ASCC3: variants seen among roughly 807,000 people sequenced by gnomAD.
The protein encoded by ASCC3 is activating signal cointegrator 1 complex subunit 3, also known as ASC-1 complex subunit P200.
ASCC3 carries 158 observed loss-of-function variants against 256.3 expected under a neutral mutation model. The ratio of observed to expected loss-of-function variants is 0.62; its 90% CI spans 0.54 to 0.70. The LOEUF is 0.70. Ranked by LOEUF, ASCC3 falls within the 30% of genes least tolerant of loss-of-function variation. The pLI is 0.00. For missense variants in ASCC3, 2,259 were observed against 2,626.0 expected (o/e 0.86, Z 3.05); for synonymous variants, 948 against 883.4 (o/e 1.07, Z -1.30).
At chr6:100,650,188 T>C (rs1775591631) in intron 20 of ASCC3, among the ~76,000 whole-genome samples, 1 of 151,762 alleles carries the variant, frequency 6.6e-6, no homozygotes, top group Non-Finnish European at 1.5e-5. Flanking sequence ...ATGCTTGCAA[T>C]ATTCTTTAAC....
At chr6:100,570,044 T>C (rs943486635) in intron 36 of ASCC3, among the ~76,000 whole-genome samples, 3 of 152,194 alleles carry the variant, frequency 2.0e-5, no homozygotes, top group African/African-American at 7.2e-5. Context: ...GTTGTGGCTA[T>C]TGTAAATAGG....
intron 8 of ASCC3, among the ~76,000 whole-genome samples, chr6:100,778,248 T>C (rs1266127005): frequency 1.3e-5 from 2 of 152,072 alleles, no homozygotes; most frequent in African/African-American, 4.8e-5. Context: ...TAAGTAGAGA[T>C]TTCAAACAGG....
At position 100,720,624 on chromosome 6, in the gene ASCC3, G is replaced by C. The variant is rs185376775; in HGVS notation, c.1903-2373C>G. 2.6e-5 allele frequency among the ~76,000 whole-genome samples: 4 copies of C among 151,802 alleles called. 1 individual carries two copies. The highest frequency in any genetic ancestry group is 9.6e-5 in the African/African-American group (4 of 41,506). On this transcript the variant is annotated intron_variant, in intron 11 of 41. Coordinates refer to ENST00000369162, the MANE Select transcript of ASCC3 (RefSeq NM_006828.4). ...ACCTCTGGTAGCTGATGAAGATGTA[G>C]AAGTTAAAATTAGACAGACAGCGCT...
chr6:100,662,509 G>A lies in ASCC3; in HGVS notation c.2314C>T (p.Arg772Ter), dbSNP rs761797390. 13 of 1,612,860 alleles carry A rather than the reference G, an allele frequency of 8.1e-6. No homozygotes were observed. The highest frequency in any genetic ancestry group is 1.3e-5 in the African/African-American group (1 of 74,818). Residue 772 changes from arginine (R) to a stop codon, truncating the protein, a stop_gained, in exon 15 of 42, where the codon CGA becomes TGA. Coordinates refer to ENST00000369162, the MANE Select transcript of ASCC3 (RefSeq NM_006828.4). LOFTEE classifies it high-confidence loss of function. ...CTAAAACCATCTGGGAATAATTCTC[G>A]TACTTGCTTATTTCTCGACCTTTGT... ...QVQRSRNKQV[R>*]ELFPDGFSIH...
At chr6:100,518,323 T>TCC (rs1202864431) in intron 37 of ASCC3, among the ~76,000 whole-genome samples, 181 bp from the exon 38 acceptor site, 2 of 152,150 alleles carry the variant, frequency 1.3e-5, no homozygotes, top group Non-Finnish European at 2.9e-5. Context: ...ACAAATCTGA[T>TCC]CATAGCATTT....
At position 100,728,179 on chromosome 6, in the gene ASCC3, A is replaced by G. The variant is rs140011198; in HGVS notation, c.1738-2476T>C. Among the ~76,000 whole-genome samples the G allele has an allele frequency of 3.9e-4, 59 of 152,196 alleles. 2 individuals are homozygous for G. The highest frequency in any genetic ancestry group is 1.4e-3 in the African/African-American group (57 of 41,544). On this transcript the variant is annotated intron_variant, in intron 10 of 41. Coordinates refer to ENST00000369162, the MANE Select transcript of ASCC3 (RefSeq NM_006828.4). ...ATGCAGTTAACACATGAGCCAAACAATTAATTGAAAATAATGAATATATAT... is the reference window on the plus strand; with the variant it reads ...ATGCAGTTAACACATGAGCCAAACAGTTAATTGAAAATAATGAATATATAT...
chr6:100,597,869 G>A (rs951203040), intron 34 of ASCC3, among the ~76,000 whole-genome samples: 3 of 149,042 alleles, frequency 2.0e-5, no homozygotes, highest in African/African-American at 4.9e-5. Context: ...AGCTACTCGG[G>A]AGGCTGAGGC....
At chr6:100,753,434 A>G (rs1400797659) in intron 10 of ASCC3, among the ~76,000 whole-genome samples, 1 of 151,884 alleles carries the variant, frequency 6.6e-6, no homozygotes, top group Non-Finnish European at 1.5e-5. Flanking sequence ...CATGATAAGG[A>G]GGAAGGTTGT....
chr6:100,780,241 A>G (rs1346961653), intron 8 of ASCC3, among the ~76,000 whole-genome samples: 1 of 152,182 alleles, frequency 6.6e-6, no homozygotes, highest in Non-Finnish European at 1.5e-5. Context: ...TTTAATTGCT[A>G]AACACCCAGA....
In ASCC3 at chr6:100,597,809, G is replaced by GAAAAA. The variant is rs369974362; in HGVS notation, c.5303+3996_5303+4000dup. Among the ~76,000 whole-genome samples the GAAAAA allele has an allele frequency of 1.0e-4, 9 of 88,600 alleles. 1 individual carries two copies. Among genetic ancestry groups the GAAAAA allele is most frequent in the East Asian group, 7.8e-4 (2 of 2,578 alleles). 58.1% of individuals were successfully genotyped at this position (88,600 alleles called of 152,430 possible). Reference sequence around the variant, plus strand: ...TACACAGTGAAACCCCGTCTCTACTGAAAAAAAAAAAAAAATTAGCCGAGC... The same window carrying GAAAAA: ...TACACAGTGAAACCCCGTCTCTACTGAAAAAAAAAAAAAAAAAAAATTAGCCGAGC... On this transcript the variant is annotated intron_variant, in intron 34 of 41. Coordinates refer to ENST00000369162, the MANE Select transcript of ASCC3 (RefSeq NM_006828.4).
chr6:100,674,874 TG>T (rs1014560228), intron 14 of ASCC3, among the ~76,000 whole-genome samples: 3 of 151,910 alleles, frequency 2.0e-5, no homozygotes, highest in African/African-American at 7.2e-5. Context: ...TCAGGTGACC[TG>T]CCTGCCTCGG....
chr6:100,760,801 T>C (rs2115116041), intron 10 of ASCC3, among the ~76,000 whole-genome samples: 2 of 152,052 alleles, frequency 1.3e-5, no homozygotes, highest in Middle Eastern at 3.4e-3. Context: ...CGAGAACAGA[T>C]TGGAAAATAA....
intron 13 of ASCC3, among the ~76,000 whole-genome samples, chr6:100,702,513 G>A (rs539656996): frequency 3.3e-5 from 5 of 152,188 alleles, no homozygotes; most frequent in Admixed American, 3.3e-4. Flanking sequence ...AAGAGGTCTG[G>A]GTTTGGAGTA....
At chr6:100,813,921 T>G (rs1582902522) in intron 4 of ASCC3, among the ~76,000 whole-genome samples, 2 of 152,198 alleles carry the variant, frequency 1.3e-5, no homozygotes, top group Admixed American at 1.3e-4. Context: ...CTCTTCCTAT[T>G]TTGATGCCTG....
chr6:100,818,748 C>CA (rs56668191), intron 4 of ASCC3, among the ~76,000 whole-genome samples: 2,588 of 58,082 alleles, frequency 0.045, 1 homozygote, highest in East Asian at 0.053. Flanking sequence ...AGGCAAAAGC[C>CA]AAAAAAAAAA....
At chr6:100,577,189 A>C (rs953935292) in intron 36 of ASCC3, among the ~76,000 whole-genome samples, 4 of 151,998 alleles carry the variant, frequency 2.6e-5, no homozygotes, top group Admixed American at 2.0e-4. Context: ...GCACAATTCC[A>C]TTTTCTATTT....
At chr6:100,687,450 C>T (rs930587645) in intron 13 of ASCC3, among the ~76,000 whole-genome samples, 1 of 152,110 alleles carries the variant, frequency 6.6e-6, no homozygotes, top group Admixed American at 6.5e-5. Flanking sequence ...CAACCTCCAC[C>T]TCCCGGGTTC....
At chr6:100,689,559 G>C (rs1777738409) in intron 13 of ASCC3, among the ~76,000 whole-genome samples, 1 of 152,138 alleles carries the variant, frequency 6.6e-6, no homozygotes, top group Non-Finnish European at 1.5e-5. Context: ...CATCCAATCA[G>C]TGGATGCTCA....
intron 10 of ASCC3, among the ~76,000 whole-genome samples, chr6:100,731,531 A>G (rs1486643424): frequency 1.3e-5 from 2 of 152,204 alleles, no homozygotes; most frequent in Non-Finnish European, 2.9e-5. Flanking sequence ...TACTCCATTA[A>G]TGTCTCGTAG....
Sources: allele counts gnomAD v4.1 joint callset (sites outside exome capture counted in the v4.1 genomes callset), GRCh38; gene constraint gnomAD v4.1.1; transcripts MANE v1.5; gene names NCBI Gene and HGNC (gene_info 2026-07-23, HGNC 2026-07-21).